Variants in MTFR1L observed in about 807,000 individuals in gnomAD.
MTFR1L encodes mitochondrial fission regulator 1-like.
A neutral mutation model predicts 27.9 loss-of-function variants in MTFR1L; 10 were observed. That is an observed-to-expected ratio of 0.36 (90% CI 0.22 to 0.61). MTFR1L has a LOEUF of 0.61. Among genes scored for constraint, MTFR1L ranks in the 20% least tolerant of loss-of-function variants. The pLI, the probability that MTFR1L is intolerant of heterozygous loss-of-function variation, is 0.73. For missense variants in MTFR1L, 315 were observed against 363.7 expected (o/e 0.87, Z 1.09); for synonymous variants, 151 against 139.4 (o/e 1.08, Z -0.58).
chr1:25,823,108 T>C lies in MTFR1L; in HGVS notation c.4T>C (p.Ser2Pro), dbSNP rs767169806. The change falls in exon 2 of 7, where the codon TCA becomes CCA. Residue 2 changes from serine (S) to proline (P), a missense_variant. Transcript: ENST00000374303. ...TCAAGTGCAGGAGCTGGTTCAAATG[T>C]CAGGAATGGAAGCCACTGTGGTAAG... M[S>P]GMEATVTIPI... The C allele has an allele frequency of 2.5e-6, 4 of 1,614,012 alleles. No homozygotes were observed. The highest frequency in any genetic ancestry group is 3.4e-6 in the Non-Finnish European group (4 of 1,180,030).
At chr1:25,828,381 G>A (rs763024421) in intron 5 of MTFR1L, among the ~76,000 whole-genome samples, 15 of 152,086 alleles carry the variant, frequency 9.9e-5, no homozygotes, top group Non-Finnish European at 2.1e-4. Context: ...TCAGGAGTTC[G>A]AGACCAGCCT....
rs2124487863 is a variant in MTFR1L at position 25,831,996 on chromosome 1, G to GGAA, written c.855_857dup (p.Glu285dup). ...TCCTAAGGAGGAAGTTTGCTCTAAA[G>GGAA]GAAGAAGATATCAGTAGAAAAGGAA... On this transcript the variant is annotated inframe_insertion, in exon 7 of 7. Coordinates refer to ENST00000374303, the MANE Select transcript of MTFR1L (RefSeq NM_001099625.2). 2 of 1,614,204 alleles carry GGAA rather than the reference G, an allele frequency of 1.2e-6. No homozygotes were observed. The highest frequency in any genetic ancestry group is 1.7e-6 in the Non-Finnish European group (2 of 1,180,038).
intron 5 of MTFR1L, 59 bp from the exon 6 acceptor site, chr1:25,829,450 G>T (rs1208340626): frequency 4.1e-6 from 6 of 1,449,234 alleles, no homozygotes; most frequent in Admixed American, 1.8e-5. Context: ...GTGGGGAGAA[G>T]ATATTGCTAC....
At chr1:25,820,849 G>T (rs2048081143) in intron 1 of MTFR1L, 1 of 382,250 alleles carries the variant, frequency 2.6e-6, no homozygotes, top group South Asian at 1.9e-5. Flanking sequence ...TTCCTCTCGC[G>T]AGGACTCCGA....
In MTFR1L at chr1:25,826,290, G is replaced by C. The variant is rs2048166984; in HGVS notation, c.130-12G>C. On this transcript the variant is annotated splice_polypyrimidine_tract_variant and intron_variant, in intron 3 of 6. Coordinates refer to ENST00000374303, the MANE Select transcript of MTFR1L (RefSeq NM_001099625.2). The surrounding 1 kb of genome is among the most constrained non-coding windows in gnomAD (Gnocchi z 4.1). ...GCATCTGTAAATGTTGATGACTTTT[G>C]CTTCTCCATAGACCCTGCCCAACAT... The C allele has an allele frequency of 2.5e-6, 4 of 1,612,194 alleles. No individual in the cohort carries two copies. In the African/African-American group the frequency reaches 4.0e-5, roughly 16 times the overall value.
At chr1:25,824,351 T>C (rs1221216945) in intron 3 of MTFR1L, among the ~76,000 whole-genome samples, 2 of 152,182 alleles carry the variant, frequency 1.3e-5, no homozygotes, top group Non-Finnish European at 2.9e-5. Flanking sequence ...CCTTCTGTGG[T>C]AGAAAGCTAA....
intron 6 of MTFR1L, among the ~76,000 whole-genome samples, chr1:25,831,015 C>G (rs1035761080): frequency 6.6e-6 from 1 of 152,192 alleles, no homozygotes; most frequent in Admixed American, 6.5e-5. Flanking sequence ...CTCAAACTTT[C>G]TCTTACTTGC....
intron 5 of MTFR1L, among the ~76,000 whole-genome samples, chr1:25,828,281 T>C (rs916431416): frequency 1.3e-5 from 2 of 152,218 alleles, no homozygotes; most frequent in Non-Finnish European, 2.9e-5. Flanking sequence ...AAGTTGGAGA[T>C]CTTGGCCTTA....
intron 5 of MTFR1L, among the ~76,000 whole-genome samples, chr1:25,828,446 C>T (rs1352502299): frequency 2.6e-5 from 4 of 151,948 alleles, no homozygotes; most frequent in African/African-American, 7.3e-5. Context: ...AGCTGGGCAT[C>T]GCAGCATGTG....
intron 3 of MTFR1L, 149 bp downstream of exon 3, chr1:25,823,897 T>G: frequency 9.3e-7 from 1 of 1,080,674 alleles, no homozygotes; most frequent in Non-Finnish European, 1.3e-6. Context: ...GATATCCTGG[T>G]CACTGTGTCC....
At chr1:25,821,544 A>C (rs1241556700) in intron 1 of MTFR1L, 2 of 152,284 alleles carry the variant, frequency 1.3e-5, no homozygotes, top group Admixed American at 1.3e-4. Context: ...CTCGTCTCCC[A>C]AGGGTAGAAG....
Position 25,826,415 on chromosome 1 carries a change from G to A in MTFR1L, c.239+4G>A. ...AGGAGACATATGCCCGGGTCAGGTA[G>A]TTGAGGCAGTAGCTGGTCTGCTAAG... On this transcript the variant is annotated splice_donor_region_variant and intron_variant, in intron 4 of 6. Coordinates refer to ENST00000374303, the MANE Select transcript of MTFR1L (RefSeq NM_001099625.2). This position sits in a 1 kb window ranked among gnomAD's most constrained non-coding sequence, Gnocchi z 4.1. 1.2e-6 allele frequency: 2 copies of A among 1,614,072 alleles called. No homozygotes were observed. The highest frequency in any genetic ancestry group is 1.7e-6 in the Non-Finnish European group (2 of 1,179,920).
intron 1 of MTFR1L, chr1:25,820,729 G>A (rs1374175144): frequency 2.3e-6 from 1 of 436,914 alleles, no homozygotes; most frequent in Admixed American, 2.6e-5. Context: ...TTGGGGGCGG[G>A]GGTGACAGCT....
chr1:25,823,226 TC>T (rs1318650076), intron 2 of MTFR1L, 98 bp downstream of exon 2: 1 of 1,224,342 alleles, frequency 8.2e-7, no homozygotes, highest in Non-Finnish European at 1.2e-6. Context: ...AGTTGAGCAC[TC>T]CTTTCTCCAG....
At chr1:25,820,182 C>T (rs2124465372) in intron 1 of MTFR1L, 153 bp downstream of exon 1, 1 of 453,684 alleles carries the variant, frequency 2.2e-6, no homozygotes, top group South Asian at 1.6e-5. Context: ...TCACTTGGCC[C>T]GGGGGAAACT....
At position 25,829,650 on chromosome 1, in the gene MTFR1L, C is replaced by G; in HGVS notation, c.593C>G (p.Pro198Arg). The G allele has an allele frequency of 6.2e-7, 1 of 1,614,204 alleles. No homozygotes were observed. The highest frequency in any genetic ancestry group is 8.5e-7 in the Non-Finnish European group (1 of 1,180,040). The change falls in exon 6 of 7, where the codon CCT (proline) becomes CGT (arginine). Residue 198 changes from proline (P) to arginine (R), a missense_variant. By Grantham distance (103) the Pro-to-Arg change is moderately radical. Coordinates refer to ENST00000374303, the MANE Select transcript of MTFR1L (RefSeq NM_001099625.2). ...ACCGAGGAGACAGAGGTGGAGGTCC[C>G]TGAGCTTCCATCAGTCCCCCTGCTT... The part of the protein sequence containing the change: ...DITEETEVEV[P>R]ELPSVPLLCS...
At position 25,832,272 on chromosome 1, in the gene MTFR1L, CTTAGT is replaced by C; in HGVS notation, c.*250_*254del. The C allele has an allele frequency of 8.3e-7, 1 of 1,198,196 alleles. No individual in the cohort carries two copies. The highest frequency in any genetic ancestry group is 1.2e-6 in the Non-Finnish European group (1 of 853,304). The allele number at this position is 1,198,196 out of a possible 1,614,324, so 74.2% of individuals were successfully genotyped here. A position where few individuals can be genotyped will look rare whatever the true frequency, so the allele number is the denominator to read the frequency against. ...CAGGTAATCGTGTAGAATGAAGTAT[CTTAGT>C]TTAAAGGGTAAGAGAGAAGTTGTTT... On this transcript the variant is annotated 3_prime_UTR_variant, in exon 7 of 7. Transcript: ENST00000374303.
chr1:25,831,414 C>A (rs1017129483), intron 6 of MTFR1L, among the ~76,000 whole-genome samples: 1 of 152,174 alleles, frequency 6.6e-6, no homozygotes, highest in African/African-American at 2.4e-5. Flanking sequence ...TTCTGGCTCT[C>A]ATAAAAAATC....
intron 2 of MTFR1L, 156 bp downstream of exon 2, chr1:25,823,284 G>A (rs1259908463): frequency 6.2e-6 from 5 of 809,756 alleles, no homozygotes; most frequent in Non-Finnish European, 1.1e-5. Flanking sequence ...CTCCCCCTAA[G>A]AAGAACCAAC....
Sources: gnomAD v4.1 joint callset for allele counts (sites outside exome capture counted in the v4.1 genomes callset) on GRCh38, gnomAD v4.1.1 for gene constraint, Gnocchi (gnomAD v3.1) non-coding constraint, MANE v1.5 for transcripts, NCBI Gene and HGNC (gene_info 2026-07-23, HGNC 2026-07-21) for gene names.